ERC1: variants seen among roughly 807,000 people sequenced by gnomAD.
The protein encoded by ERC1 is ELKS/RAB6-interacting/CAST family member 1, also known as RAB6 interacting protein 2.
ERC1 carries 56 observed loss-of-function variants against 132.0 expected under a neutral mutation model. That is an observed-to-expected ratio of 0.42 (90% CI 0.34 to 0.53). The LOEUF (loss-of-function observed/expected upper bound fraction) is 0.53. ERC1 is among the 20% of genes least tolerant of loss of function. The pLI, the probability that ERC1 is intolerant of heterozygous loss-of-function variation, is 0.03. For synonymous variants in ERC1, 478 were observed against 476.1 expected, an observed-to-expected ratio of 1.00 and a Z score of -0.05; for missense variants, 1,202 against 1,349.9, an observed-to-expected ratio of 0.89 and a Z score of 1.72.
At chr12:1,239,432 TAATG>T (rs1405626194) in intron 13 of ERC1, among the ~76,000 whole-genome samples, 1 of 152,116 alleles carries the variant, frequency 6.6e-6, no homozygotes, top group Non-Finnish European at 1.5e-5. Context: ...TACAACAACA[TAATG>T]AAGAAATACA....
chr12:1,074,048 A>G (rs1940918209), intron 2 of ERC1, among the ~76,000 whole-genome samples: 1 of 2,844 alleles, frequency 3.5e-4, no homozygotes, highest in South Asian at 0.5. Flanking sequence ...CATTTTTAGT[A>G]GAGACGGCTT....
chr12:1,440,488 G>A (rs1032603300), intron 17 of ERC1, among the ~76,000 whole-genome samples: 15 of 146,936 alleles, frequency 1.0e-4, no homozygotes, highest in South Asian at 2.1e-4. Flanking sequence ...TTACAGGTGT[G>A]AGCCACCGCG....
At chr12:1,427,942 A>G (rs780402788) in intron 17 of ERC1, among the ~76,000 whole-genome samples, 1 of 152,200 alleles carries the variant, frequency 6.6e-6, no homozygotes, top group Non-Finnish European at 1.5e-5. Context: ...GACATCATTT[A>G]TAGTGTTTCA....
chr12:1,275,407 G>C (rs574105953), intron 14 of ERC1, among the ~76,000 whole-genome samples: 1 of 152,294 alleles, frequency 6.6e-6, no homozygotes, highest in South Asian at 2.1e-4. Context: ...AGAATCACTT[G>C]AGCCCAGGAG....
chr12:1,451,367 C>G (rs1171226679), intron 18 of ERC1, among the ~76,000 whole-genome samples: 2 of 152,170 alleles, frequency 1.3e-5, no homozygotes, highest in Non-Finnish European at 2.9e-5. Flanking sequence ...AATCCCAGCA[C>G]TTTTGGAGGC....
At chr12:1,341,063 C>CTTTTCCTTTTTTT (rs2083796990) in intron 15 of ERC1, among the ~76,000 whole-genome samples, 1 of 45,160 alleles carries the variant, frequency 2.2e-5, no homozygotes, top group Non-Finnish European at 4.5e-5. Context: ...TTATTCTTTT[C>CTTTTCCTTTTTTT]TTTTTCTTTT....
chr12:1,194,927 G>A (rs1020324263), intron 12 of ERC1, among the ~76,000 whole-genome samples: 2 of 150,210 alleles, frequency 1.3e-5, no homozygotes, highest in African/African-American at 4.9e-5. Context: ...TATAAGAACC[G>A]GGATTTTAAT....
intron 17 of ERC1, among the ~76,000 whole-genome samples, chr12:1,421,861 CAA>C (rs58514480): frequency 7.8e-5 from 10 of 128,036 alleles, no homozygotes; most frequent in Non-Finnish European, 1.2e-4. Flanking sequence ...ACTAAAAATA[CAA>C]AAAAAAAAAA....
chr12:1,083,355 A>G lies in ERC1; in HGVS notation c.861A>G (p.Thr287=), dbSNP rs1270139781. 1.9e-6 allele frequency: 3 copies of G among 1,614,172 alleles called. No homozygotes were observed. Among genetic ancestry groups the G allele is most frequent in the Non-Finnish European group, 2.5e-6 (3 of 1,180,030 alleles). ...QAKELFLLRK[T]LEEMELRIET... The stretch of plus-strand genomic sequence containing the variant: ...AAGAGCTGTTTCTTCTTCGAAAGAC[A>G]TTGGAGGAAATGGAGCTGCGTATTG... The change falls in exon 3 of 19, where the codon ACA becomes ACG. Residue 287 remains threonine (T), a synonymous_variant. Transcript: ENST00000360905.
intron 13 of ERC1, among the ~76,000 whole-genome samples, chr12:1,241,021 A>G (rs1232404339): frequency 2.0e-5 from 3 of 152,122 alleles, no homozygotes; most frequent in Non-Finnish European, 4.4e-5. Flanking sequence ...GCAAATTTGT[A>G]CAGATAAATT....
intron 12 of ERC1, among the ~76,000 whole-genome samples, chr12:1,230,279 G>A (rs1439744040): frequency 1.3e-5 from 2 of 152,142 alleles, no homozygotes; most frequent in Admixed American, 6.5e-5. Context: ...GATTAAAGGC[G>A]TGAGCCACCG....
intron 2 of ERC1, among the ~76,000 whole-genome samples, chr12:1,032,274 C>T (rs1968184547): frequency 6.6e-6 from 1 of 152,140 alleles, no homozygotes; most frequent in Non-Finnish European, 1.5e-5. Flanking sequence ...TGGTCTTGAA[C>T]TCCTGACCTC....
At chr12:1,074,214 A>G (rs905869748) in intron 2 of ERC1, among the ~76,000 whole-genome samples, 3 of 152,126 alleles carry the variant, frequency 2.0e-5, no homozygotes, top group Non-Finnish European at 4.4e-5. Context: ...ACCATGATAC[A>G]TGCAGTCTCT....
At chr12:1,217,963 T>C (rs60449600) in intron 12 of ERC1, among the ~76,000 whole-genome samples, 48,392 of 152,016 alleles carry the variant, frequency 0.32, 8,169 homozygotes, top group African/African-American at 0.41. Flanking sequence ...TGGTCTCACA[T>C]TGAATTTATG....
chr12:1,460,728 GTGT>G (rs2093627429), intron 18 of ERC1, among the ~76,000 whole-genome samples: 1 of 151,550 alleles, frequency 6.6e-6, no homozygotes, highest in African/African-American at 2.4e-5. Flanking sequence ...GGTGGTGGTG[GTGT>G]TTTTCTAACC....
At chr12:992,595 A>G (rs1959809735) in intron 1 of ERC1, among the ~76,000 whole-genome samples, 1 of 152,168 alleles carries the variant, frequency 6.6e-6, no homozygotes, top group Non-Finnish European at 1.5e-5. Flanking sequence ...CAAGTGCTTT[A>G]AAAACATTTT....
chr12:1,023,013 A>G (rs942916417), intron 1 of ERC1, among the ~76,000 whole-genome samples: 3 of 152,154 alleles, frequency 2.0e-5, no homozygotes, highest in African/African-American at 4.8e-5. Flanking sequence ...CCCTTCTGCC[A>G]TGATTGTAAG....
chr12:1,382,191 C>T (rs56210299), intron 16 of ERC1, among the ~76,000 whole-genome samples: 35,980 of 152,084 alleles, frequency 0.24, 4,882 homozygotes, highest in Middle Eastern at 0.31. Flanking sequence ...ACACCATCAA[C>T]GAATATCAAA....
chr12:1,106,033 G>C (rs931716218), intron 4 of ERC1, among the ~76,000 whole-genome samples: 10 of 152,176 alleles, frequency 6.6e-5, no homozygotes, highest in Admixed American at 4.6e-4. Flanking sequence ...TCTTTAGGCT[G>C]TTCAGTATAG....
Sources: gnomAD v4.1 joint callset for allele counts (sites outside exome capture counted in the v4.1 genomes callset) on GRCh38, gnomAD v4.1.1 for gene constraint, MANE v1.5 for transcripts, NCBI Gene and HGNC (gene_info 2026-07-23, HGNC 2026-07-21) for gene names.